The following FAM78A variants were observed in gnomAD, a reference collection of about 807,000 sequenced individuals.
FAM78A encodes protein FAM78A.
FAM78A carries 12 observed loss-of-function variants against 22.6 expected under a neutral mutation model. The ratio of observed to expected loss-of-function variants is 0.53; its 90% CI spans 0.34 to 0.86. The LOEUF (loss-of-function observed/expected upper bound fraction) is 0.86. FAM78A is among the 40% of genes least tolerant of loss of function. FAM78A has a pLI of 0.02. For synonymous variants in FAM78A, 151 were observed against 155.8 expected, an observed-to-expected ratio of 0.97 and a Z score of 0.23; for missense variants, 322 against 396.1, an observed-to-expected ratio of 0.81 and a Z score of 1.59.
intron 1 of FAM78A, among the ~76,000 whole-genome samples, chr9:131,266,695 T>C (rs1161874487): frequency 6.6e-6 from 1 of 150,958 alleles, no homozygotes; most frequent in African/African-American, 2.4e-5. Flanking sequence ...GATTAAATAC[T>C]GATGCACTCA....
In FAM78A at chr9:131,265,654, G is replaced by C. The variant is rs1304200710; in HGVS notation, c.324-4304C>G. On this transcript the variant is annotated intron_variant, in intron 1 of 1. Coordinates refer to ENST00000372271, the MANE Select transcript of FAM78A (RefSeq NM_033387.4). This position sits in a 1 kb window ranked among gnomAD's most constrained non-coding sequence, Gnocchi z 4.3. The stretch of plus-strand genomic sequence containing the variant: ...GCCCGCCTCGGCCTCCCAAAGTGCT[G>C]GGATTACAGGCGTGAGCCACCGCAC... 1.3e-5 allele frequency among the ~76,000 whole-genome samples: 2 copies of C among 152,228 alleles called. No homozygotes were observed. The highest frequency in any genetic ancestry group is 3.8e-4 in the East Asian group (2 of 5,196).
At chr9:131,271,687 CT>C (rs1835423515) in intron 1 of FAM78A, among the ~76,000 whole-genome samples, 1 of 152,276 alleles carries the variant, frequency 6.6e-6, no homozygotes, top group South Asian at 2.1e-4. Context: ...TAAACTGCCC[CT>C]GACCTTGGCC....
rs546650817 is a variant in FAM78A, at chr9:131,274,135, T to C, written c.323+1722A>G. On this transcript the variant is annotated intron_variant, in intron 1 of 1. Coordinates refer to ENST00000372271, the MANE Select transcript of FAM78A (RefSeq NM_033387.4). This position sits in a 1 kb window ranked among gnomAD's most constrained non-coding sequence, Gnocchi z 4.2. ...GACATCGGAAGCCCATGTGCACAGA[T>C]GGGGAAGCTGAGGCTTGGAGTCTGT... Among the ~76,000 whole-genome samples, 6 of 152,260 alleles carry C rather than the reference T, an allele frequency of 3.9e-5. No homozygotes were observed. The highest frequency in any genetic ancestry group is 5.9e-5 in the Non-Finnish European group (4 of 68,044).
At chr9:131,266,288 C>A (rs1046271279) in intron 1 of FAM78A, among the ~76,000 whole-genome samples, 1 of 152,212 alleles carries the variant, frequency 6.6e-6, no homozygotes, top group African/African-American at 2.4e-5. Context: ...CTCCCCTATG[C>A]CCTTAAAACC....
intron 1 of FAM78A, chr9:131,264,247 C>T: frequency 3.4e-6 from 1 of 297,310 alleles, no homozygotes; most frequent in Non-Finnish European, 6.3e-6. Context: ...CTCTTCCTGA[C>T]CCCAGCCTTG....
intron 1 of FAM78A, chr9:131,262,691 A>G (rs1347852223): frequency 6.6e-6 from 1 of 152,170 alleles, no homozygotes; most frequent in Non-Finnish European, 1.5e-5. Flanking sequence ...ACATACGTAC[A>G]ATGGAATGTT....
intron 1 of FAM78A, among the ~76,000 whole-genome samples, chr9:131,262,045 G>A (rs577042318): frequency 1.3e-5 from 2 of 151,980 alleles, no homozygotes; most frequent in South Asian, 4.2e-4. Context: ...TGGCCAACAT[G>A]GTGAAACCTC....
At position 131,265,858 on chromosome 9, in the gene FAM78A, G is replaced by C. The variant is rs12337090; in HGVS notation, c.324-4508C>G. On this transcript the variant is annotated intron_variant, in intron 1 of 1. Transcript: ENST00000372271. The surrounding 1 kb of genome is among the most constrained non-coding windows in gnomAD (Gnocchi z 4.3). ...CACCTGTCACACTCCCATCCTCCTAGGGACCCCAAAGGACAGCAGGCAAGT... is the reference window on the plus strand; with the variant it reads ...CACCTGTCACACTCCCATCCTCCTACGGACCCCAAAGGACAGCAGGCAAGT... 0.36 allele frequency among the ~76,000 whole-genome samples: 55,331 copies of C among 151,986 alleles called. 10,930 individuals are homozygous for C. The highest frequency in any genetic ancestry group is 0.71 in the East Asian group (3,646 of 5,156).
At position 131,272,285 on chromosome 9, in the gene FAM78A, T is replaced by C. The variant is rs2131192624; in HGVS notation, c.323+3572A>G. On this transcript the variant is annotated intron_variant, in intron 1 of 1. Coordinates refer to ENST00000372271, the MANE Select transcript of FAM78A (RefSeq NM_033387.4). This position sits in a 1 kb window ranked among gnomAD's most constrained non-coding sequence, Gnocchi z 4.1. ...CTGGGTTTCATTTTAAGGATGTGAATTGTCTGGGTCAAGTCCAGTGGTTCT... is the reference window on the plus strand; with the variant it reads ...CTGGGTTTCATTTTAAGGATGTGAACTGTCTGGGTCAAGTCCAGTGGTTCT... Among the ~76,000 whole-genome samples, 1 of 152,332 alleles carries C rather than the reference T, an allele frequency of 6.6e-6. No individual in the cohort carries two copies. The highest frequency in any genetic ancestry group is 6.5e-5 in the Admixed American group (1 of 15,310).
chr9:131,277,589 C>G (rs950632822), upstream of FAM78A, among the ~76,000 whole-genome samples: 1 of 151,784 alleles, frequency 6.6e-6, no homozygotes, highest in Non-Finnish European at 1.5e-5. The surrounding 1 kb of genome is among the most constrained non-coding windows in gnomAD (Gnocchi z 8.4). Context: ...AGCCGCTCTC[C>G]GGACGCCCCT....
At position 131,261,104 on chromosome 9, in the gene FAM78A, G is replaced by A. The variant is rs760945724; in HGVS notation, c.570C>T (p.Thr190=). 6.2e-7 allele frequency: 1 copy of A among 1,614,190 alleles called. No individual in the cohort carries two copies. Among genetic ancestry groups the A allele is most frequent in the South Asian group, 1.1e-5 (1 of 91,088 alleles). ...LTNIYRDQSF[T]TWLVATNTST... is the part of the protein sequence containing the mutation. ...AGGTGTTGGTGGCCACCAGCCAGGT[G>A]GTGAAGCTCTGGTCCCGGTAGATAT... The change falls in exon 2 of 2, where the codon ACC becomes ACT. Residue 190 remains threonine (T), a synonymous_variant. Coordinates refer to ENST00000372271, the MANE Select transcript of FAM78A (RefSeq NM_033387.4). This position sits in a 1 kb window ranked among gnomAD's most constrained non-coding sequence, Gnocchi z 7.1.
At chr9:131,263,249 A>AG (rs1554747365) in intron 1 of FAM78A, among the ~76,000 whole-genome samples, 148 of 150,986 alleles carry the variant, frequency 9.8e-4, no homozygotes, top group Non-Finnish European at 1.4e-3. Flanking sequence ...CAAAAAAAAA[A>AG]AAAAAGAAAA....
Position 131,271,721 on chromosome 9 carries a change from G to A in FAM78A, c.323+4136C>T, listed in dbSNP as rs116132411. Among the ~76,000 whole-genome samples the A allele has an allele frequency of 5.3e-3, 803 of 152,370 alleles. 11 individuals are homozygous for A. Among genetic ancestry groups the A allele is most frequent in the African/African-American group, 0.019 (777 of 41,586 alleles). On this transcript the variant is annotated intron_variant, in intron 1 of 1. Coordinates refer to ENST00000372271, the MANE Select transcript of FAM78A (RefSeq NM_033387.4). ...GCCTTGGCCATGGGCGTGGCTGTGG[G>A]CCAGGTTCCCAGGGGGCTCCAGAGA...
intron 1 of FAM78A, among the ~76,000 whole-genome samples, chr9:131,262,420 G>A (rs909395961): frequency 6.6e-6 from 1 of 150,898 alleles, no homozygotes; most frequent in African/African-American, 2.4e-5. Flanking sequence ...GGTTTGCGGT[G>A]AGCTGAGATT....
chr9:131,264,844 C>T (rs1160478704), intron 1 of FAM78A: 17 of 508,912 alleles, frequency 3.3e-5, no homozygotes, highest in Non-Finnish European at 5.3e-5. Context: ...CTGCCTCAGC[C>T]TCCTGAGTAG....
upstream of FAM78A, among the ~76,000 whole-genome samples, chr9:131,278,427 G>T (rs1180404023): frequency 2.0e-5 from 3 of 152,174 alleles, no homozygotes; most frequent in Non-Finnish European, 2.9e-5. Context: ...AGGCTCCAAG[G>T]CTGGGAAGGT....
rs1835462460 is a variant in FAM78A at position 131,274,813 on chromosome 9, G to A, written c.323+1044C>T. 6.6e-6 allele frequency among the ~76,000 whole-genome samples: 1 copy of A among 151,966 alleles called. No individual in the cohort carries two copies. The highest frequency in any genetic ancestry group is 6.6e-5 in the Admixed American group (1 of 15,256). On this transcript the variant is annotated intron_variant, in intron 1 of 1. Coordinates refer to ENST00000372271, the MANE Select transcript of FAM78A (RefSeq NM_033387.4). This position sits in a 1 kb window ranked among gnomAD's most constrained non-coding sequence, Gnocchi z 4.2. ...CTGCACAGGGTAGACACTGAGAGAG[G>A]CTCTGGGAGTGTCAGCGGCCAGTCA...
rs1455819420 is a variant in FAM78A, at chr9:131,272,824, TG to T, written c.323+3032del. On this transcript the variant is annotated intron_variant, in intron 1 of 1. Coordinates refer to ENST00000372271, the MANE Select transcript of FAM78A (RefSeq NM_033387.4). The surrounding 1 kb of genome is among the most constrained non-coding windows in gnomAD (Gnocchi z 4.1). Reference sequence around the variant, plus strand: ...CGCATGCCTGTAATCCCAGCTACTCTGGAGGCTGGAGCCGGAGAATCACTTG... The same window carrying T: ...CGCATGCCTGTAATCCCAGCTACTCTGAGGCTGGAGCCGGAGAATCACTTG... Among the ~76,000 whole-genome samples, 1 of 152,032 alleles carries T rather than the reference TG, an allele frequency of 6.6e-6. No individual in the cohort carries two copies. The highest frequency in any genetic ancestry group is 2.4e-5 in the African/African-American group (1 of 41,376).
intron 1 of FAM78A, among the ~76,000 whole-genome samples, chr9:131,270,770 C>T (rs1378876392): frequency 6.6e-6 from 1 of 152,232 alleles, no homozygotes; most frequent in Non-Finnish European, 1.5e-5. Flanking sequence ...GACATTCCTC[C>T]ATGGCCTGTC....
Sources: gnomAD v4.1 joint callset for allele counts (sites outside exome capture counted in the v4.1 genomes callset) on GRCh38, gnomAD v4.1.1 for gene constraint, Gnocchi (gnomAD v3.1) non-coding constraint, MANE v1.5 for transcripts, NCBI Gene and HGNC (gene_info 2026-07-23, HGNC 2026-07-21) for gene names.